The following TSNARE1 variants were observed in gnomAD, a reference collection of about 807,000 sequenced individuals.
TSNARE1 encodes t-SNARE domain containing 1, also known as t-SNARE domain-containing protein 1.
In TSNARE1, 49 loss-of-function variants were observed where a neutral mutation model predicts 62.0. That is an observed-to-expected ratio of 0.79 (90% CI 0.63 to 1.00). TSNARE1 has a LOEUF of 1.00. TSNARE1 is among the 50% of genes least tolerant of loss of function. The pLI, the probability that TSNARE1 is intolerant of heterozygous loss-of-function variation, is 0.00. For missense variants in TSNARE1, 755 were observed against 700.1 expected (o/e 1.08, Z -0.88); for synonymous variants, 328 against 294.4 (o/e 1.11, Z -1.17).
intron 1 of TSNARE1, among the ~76,000 whole-genome samples, chr8:142,381,415 G>A (rs966591910): frequency 1.3e-5 from 2 of 152,210 alleles, no homozygotes; most frequent in East Asian, 1.9e-4. Flanking sequence ...GGGAGCCTCC[G>A]GCCTCCCCCT....
At chr8:142,276,229 G>A (rs1451247565) in intron 11 of TSNARE1, 3 of 985,312 alleles carry the variant, frequency 3.0e-6, no homozygotes. Context: ...GGCCGCTCCT[G>A]GAGCAAAGCA....
chr8:142,245,645 T>C (rs547021004), intron 12 of TSNARE1, among the ~76,000 whole-genome samples: 1 of 152,198 alleles, frequency 6.6e-6, no homozygotes, highest in South Asian at 2.1e-4. Flanking sequence ...AGTGAATACA[T>C]CTTACCAACA....
intron 13 of TSNARE1, among the ~76,000 whole-genome samples, chr8:142,222,158 C>CCACTCATTCACTCACTCACTCACT (rs1586760263): frequency 9.8e-6 from 1 of 101,540 alleles, no homozygotes; most frequent in African/African-American, 3.4e-5. Flanking sequence ...ACTCACTCAT[C>CCACTCATTCACTCACTCACTCACT]CACTCATCCA....
chr8:142,321,430 A>C (rs1030270973), intron 6 of TSNARE1, among the ~76,000 whole-genome samples: 1 of 152,228 alleles, frequency 6.6e-6, no homozygotes, highest in Admixed American at 6.5e-5. Context: ...CCACCTAAAG[A>C]AGCCAGCAAA....
chr8:142,357,421 G>A (rs1378419941), intron 1 of TSNARE1, among the ~76,000 whole-genome samples: 1 of 152,206 alleles, frequency 6.6e-6, no homozygotes, highest in East Asian at 1.9e-4. Context: ...CGCTGGTGGG[G>A]CCAGCCAGGC....
At chr8:142,399,403 G>T (rs1040963414) in intron 1 of TSNARE1, among the ~76,000 whole-genome samples, 2 of 152,230 alleles carry the variant, frequency 1.3e-5, no homozygotes, top group African/African-American at 4.8e-5. Flanking sequence ...CGCGGGTGGG[G>T]TGGCAGACAG....
intron 13 of TSNARE1, among the ~76,000 whole-genome samples, chr8:142,219,967 G>T (rs1816131110): frequency 6.6e-6 from 1 of 152,226 alleles, no homozygotes; most frequent in South Asian, 2.1e-4. Context: ...GAGGGGAAAG[G>T]TGGGGTCAGG....
At chr8:142,264,669 T>C (rs1034136800) in intron 12 of TSNARE1, among the ~76,000 whole-genome samples, 4 of 152,220 alleles carry the variant, frequency 2.6e-5, no homozygotes, top group Non-Finnish European at 5.9e-5. Flanking sequence ...ATCCTTAATA[T>C]ATACTTTTTG....
chr8:142,242,389 G>T (rs531791488), intron 12 of TSNARE1, among the ~76,000 whole-genome samples: 24 of 152,322 alleles, frequency 1.6e-4, no homozygotes, highest in African/African-American at 5.5e-4. Context: ...AACAGCATGA[G>T]CTACAAAAGC....
At chr8:142,237,701 T>C (rs550098931) in intron 12 of TSNARE1, among the ~76,000 whole-genome samples, 26 of 152,328 alleles carry the variant, frequency 1.7e-4, no homozygotes, top group African/African-American at 5.8e-4. Flanking sequence ...CGGGCCATGC[T>C]TGGACACTGT....
chr8:142,250,547 T>C (rs535473810), intron 12 of TSNARE1, among the ~76,000 whole-genome samples: 2 of 152,290 alleles, frequency 1.3e-5, no homozygotes, highest in African/African-American at 4.8e-5. Context: ...CCAGGCCCGA[T>C]CGCAGTAGCC....
At chr8:142,284,317 C>T (rs1196696810) in intron 11 of TSNARE1, 96 bp downstream of exon 11, 36 of 975,094 alleles carry the variant, frequency 3.7e-5, no homozygotes, top group Admixed American at 7.4e-5. Context: ...CTCTTAGAGG[C>T]CCCTTCACCC....
chr8:142,236,727 G>A (rs917023695), intron 12 of TSNARE1, among the ~76,000 whole-genome samples: 1 of 152,142 alleles, frequency 6.6e-6, no homozygotes, highest in Non-Finnish European at 1.5e-5. Context: ...GAGCAGAGCT[G>A]ACAACCACAC....
chr8:142,273,217 C>T, intron 12 of TSNARE1: 1 of 985,290 alleles, frequency 1.0e-6, no homozygotes, highest in Non-Finnish European at 1.2e-6. Context: ...CCTCACTGTC[C>T]CATCGTCCTC....
chr8:142,328,300 T>C (rs1830537606), intron 6 of TSNARE1, among the ~76,000 whole-genome samples: 1 of 152,316 alleles, frequency 6.6e-6, no homozygotes, highest in Middle Eastern at 3.4e-3. Flanking sequence ...AAGGTATTTG[T>C]TCTAAACATG....
chr8:142,376,261 T>C (rs970773438), intron 1 of TSNARE1, among the ~76,000 whole-genome samples: 29 of 152,128 alleles, frequency 1.9e-4, no homozygotes, highest in Admixed American at 1.9e-3. Flanking sequence ...TGGTGCCCTG[T>C]TTTCCCCTGA....
intron 9 of TSNARE1, among the ~76,000 whole-genome samples, chr8:142,310,673 T>A (rs1827428670): frequency 6.6e-6 from 1 of 152,214 alleles, no homozygotes; most frequent in Non-Finnish European, 1.5e-5. Context: ...GATTCCATCG[T>A]TTCTTCTAAG....
intron 1 of TSNARE1, among the ~76,000 whole-genome samples, chr8:142,355,838 C>T (rs117413264): frequency 6.6e-6 from 1 of 152,308 alleles, no homozygotes; most frequent in East Asian, 1.9e-4. Flanking sequence ...GGCGGTGTGA[C>T]CCCACGTTCC....
intron 12 of TSNARE1, among the ~76,000 whole-genome samples, chr8:142,267,335 T>C (rs1819187184): frequency 6.6e-6 from 1 of 152,210 alleles, no homozygotes; most frequent in Admixed American, 6.5e-5. Flanking sequence ...CTGGTGCTTA[T>C]TCAGGCTCAG....
Sources: gnomAD v4.1 joint callset for allele counts (sites outside exome capture counted in the v4.1 genomes callset) on GRCh38, gnomAD v4.1.1 for gene constraint, MANE v1.5 for transcripts, NCBI Gene and HGNC (gene_info 2026-07-23, HGNC 2026-07-21) for gene names.